NBN: variants seen among roughly 807,000 people sequenced by gnomAD.
The protein encoded by NBN is nibrin, also known as Nijmegen breakage syndrome 1 (nibrin).
NBN carries 88 observed loss-of-function variants against 90.8 expected under a neutral mutation model. The ratio of observed to expected loss-of-function variants is 0.97; its 90% CI spans 0.82 to 1.16. The LOEUF (loss-of-function observed/expected upper bound fraction) is 1.16. Among genes scored for constraint, NBN ranks in the 50% most tolerant of loss-of-function variants. The pLI, the probability that NBN is intolerant of heterozygous loss-of-function variation, is 0.00. For missense variants in NBN, 894 were observed against 869.6 expected (o/e 1.03, Z -0.35); for synonymous variants, 328 against 295.1 (o/e 1.11, Z -1.14).
At chr8:89,964,340 A>G in intron 8 of NBN, 70 bp downstream of exon 8, 3 of 1,522,740 alleles carry the variant, frequency 2.0e-6, no homozygotes, top group Non-Finnish European at 2.7e-6. Flanking sequence ...GTATATGAGT[A>G]ACGTATATTT....
At chr8:89,973,784 G>A (rs1202677120) in intron 5 of NBN, among the ~76,000 whole-genome samples, 2 of 152,148 alleles carry the variant, frequency 1.3e-5, no homozygotes, top group African/African-American at 4.8e-5. Context: ...AAAGTAACCT[G>A]TCAGAGACCT....
intron 5 of NBN, among the ~76,000 whole-genome samples, chr8:89,974,810 G>A (rs1175899496): frequency 6.6e-6 from 1 of 152,218 alleles, no homozygotes; most frequent in Non-Finnish European, 1.5e-5. Context: ...AATGGTCTGT[G>A]TAAAGGAGGG....
intron 2 of NBN, 57 bp from the exon 3 acceptor site, chr8:89,981,580 G>A (rs1812071794): frequency 5.7e-6 from 9 of 1,589,156 alleles, no homozygotes; most frequent in South Asian, 2.3e-5. Context: ...TCACTTCTCA[G>A]AGAAAAAGTT....
intron 7 of NBN, among the ~76,000 whole-genome samples, chr8:89,969,572 A>G (rs1443399673): frequency 6.6e-6 from 1 of 152,240 alleles, no homozygotes; most frequent in Non-Finnish European, 1.5e-5. Context: ...TTTTTGAGTA[A>G]AACTGTCATG....
chr8:89,970,288 G>C, intron 7 of NBN, 76 bp downstream of exon 7: 1 of 1,269,216 alleles, frequency 7.9e-7, no homozygotes, highest in Non-Finnish European at 1.1e-6. Context: ...TACATTGTTA[G>C]GTGAAAAGCA....
chr8:89,957,921 T>C (rs937474080), intron 9 of NBN, among the ~76,000 whole-genome samples: 2 of 152,180 alleles, frequency 1.3e-5, no homozygotes, highest in Non-Finnish European at 2.9e-5. Flanking sequence ...TTATTTCTAT[T>C]ATTATTACGT....
chr8:89,960,229 C>T (rs1020188020), intron 8 of NBN, among the ~76,000 whole-genome samples: 10 of 152,160 alleles, frequency 6.6e-5, no homozygotes, highest in Non-Finnish European at 1.5e-4. Context: ...AAATGACTTC[C>T]GCCACTTTCT....
intron 14 of NBN, among the ~76,000 whole-genome samples, chr8:89,940,627 A>G (rs1433702261): frequency 2.8e-5 from 4 of 145,146 alleles, no homozygotes; most frequent in African/African-American, 1.1e-4. Flanking sequence ...TACTAGAGGA[A>G]AAAAAAAAAA....
chr8:89,950,439 T>C (rs898388963), intron 11 of NBN, among the ~76,000 whole-genome samples: 1 of 146,114 alleles, frequency 6.8e-6, no homozygotes, highest in African/African-American at 2.5e-5. Flanking sequence ...AGTTTGTACA[T>C]GTACAGACGC....
At chr8:89,972,524 A>G (rs954220289) in intron 5 of NBN, among the ~76,000 whole-genome samples, 2 of 152,246 alleles carry the variant, frequency 1.3e-5, no homozygotes, top group African/African-American at 4.8e-5. Flanking sequence ...AGTGGAAACT[A>G]TTTTAACTGT....
chr8:89,970,798 T>C (rs1405571388), intron 6 of NBN, among the ~76,000 whole-genome samples: 1 of 152,162 alleles, frequency 6.6e-6, no homozygotes, highest in African/African-American at 2.4e-5. Flanking sequence ...TGTGGGCTTA[T>C]CTGCATTTCT....
intron 13 of NBN, among the ~76,000 whole-genome samples, chr8:89,944,810 G>A (rs1447205555): frequency 6.6e-6 from 1 of 152,036 alleles, no homozygotes; most frequent in East Asian, 1.9e-4. Flanking sequence ...CGAACTCCTG[G>A]GTTCAAGCCA....
At chr8:89,981,934 G>A (rs1812090738) in intron 2 of NBN, 1 of 1,137,500 alleles carries the variant, frequency 8.8e-7, no homozygotes, top group Non-Finnish European at 1.2e-6. Context: ...GAGGTTATAG[G>A]CTAGTGTTTC....
At chr8:89,970,841 T>G (rs543405958) in intron 6 of NBN, among the ~76,000 whole-genome samples, 1 of 152,288 alleles carries the variant, frequency 6.6e-6, no homozygotes, top group African/African-American at 2.4e-5. Flanking sequence ...AAACCCCACT[T>G]TGGTACACAG....
rs1810852451 is a variant in NBN at position 89,958,782 on chromosome 8, G to A, written c.1067C>T (p.Ala356Val). ...TACGTATGTTGTAGTGTTCACTGGG[G>A]CGCTTGGCATTAGTTTTTCATCAAC... ...VSVDEKLMPS[A>V]PVNTTTYVAD... The change falls in exon 9 of 16, where the codon GCC becomes GTC. Residue 356 changes from alanine (A) to valine (V), a missense_variant. Coordinates refer to ENST00000265433, the MANE Select transcript of NBN (RefSeq NM_002485.5). 1 of 1,614,058 alleles carries A rather than the reference G, an allele frequency of 6.2e-7. No individual in the cohort carries two copies. Among genetic ancestry groups the A allele is most frequent in the Non-Finnish European group, 8.5e-7 (1 of 1,179,978 alleles).
Position 89,934,395 on chromosome 8 carries a change from G to GAATACAGCTGAGAAGCTTTTAAAAA in NBN, c.*1186_*1187insTTTTTAAAAGCTTCTCAGCTGTATT, listed in dbSNP as rs1278767139. The GAATACAGCTGAGAAGCTTTTAAAAA allele has an allele frequency of 4.3e-6, 1 of 232,968 alleles. No homozygotes were observed. Among genetic ancestry groups the GAATACAGCTGAGAAGCTTTTAAAAA allele is most frequent in the Admixed American group, 5.6e-5 (1 of 17,772 alleles). 14.4% of individuals were successfully genotyped at this position (232,968 alleles called of 1,614,324 possible). ...AATTTCTGTTCCCTAGGAAGGCTGA[G>GAATACAGCTGAGAAGCTTTTAAAAA]AAGCTTTTAAAAAAAGACCTTCATT... On this transcript the variant is annotated 3_prime_UTR_variant, in exon 16 of 16. Coordinates refer to ENST00000265433, the MANE Select transcript of NBN (RefSeq NM_002485.5).
At chr8:89,967,602 G>A (rs1020369150) in intron 7 of NBN, among the ~76,000 whole-genome samples, 2 of 152,154 alleles carry the variant, frequency 1.3e-5, no homozygotes, top group Non-Finnish European at 2.9e-5. Context: ...AGGAAAAGCA[G>A]GAGGAAATAA....
intron 15 of NBN, 161 bp from the exon 16 acceptor site, chr8:89,935,773 T>C (rs1413616604): frequency 4.8e-5 from 16 of 331,062 alleles, no homozygotes; most frequent in Non-Finnish European, 6.5e-5. Context: ...TTTATTTTCA[T>C]GTATCCCTTT....
rs201896418 is a variant in NBN at position 89,939,589 on chromosome 8, G to GA, written c.2185-2515_2185-2514insT. 4.1e-3 allele frequency among the ~76,000 whole-genome samples: 617 copies of GA among 152,322 alleles called. 3 individuals carry two copies. The highest frequency in any genetic ancestry group is 0.014 in the African/African-American group (568 of 41,580). On this transcript the variant is annotated intron_variant, in intron 14 of 15. Coordinates refer to ENST00000265433, the MANE Select transcript of NBN (RefSeq NM_002485.5). ...TGCCATACGCTTAAAAAGTGCAGCT[G>GA]TAAAAAGAACCAAATGATTCTGATG...
Sources: allele counts gnomAD v4.1 joint callset (sites outside exome capture counted in the v4.1 genomes callset), GRCh38; gene constraint gnomAD v4.1.1; transcripts MANE v1.5; gene names NCBI Gene and HGNC (gene_info 2026-07-23, HGNC 2026-07-21).